ROBO2: variants seen among roughly 807,000 people sequenced by gnomAD.
ROBO2 encodes roundabout guidance receptor 2.
A neutral mutation model predicts 160.8 loss-of-function variants in ROBO2; 53 were observed. The observed-to-expected ratio is 0.33, with a 90% CI of 0.26 to 0.41. The LOEUF (loss-of-function observed/expected upper bound fraction) is 0.41, where lower values mean the gene tolerates loss of function less well. Ranked by LOEUF, ROBO2 falls within the 10% of genes least tolerant of loss-of-function variation. The probability of loss-of-function intolerance (pLI) is 1.00; values close to 1 mark genes in which losing one functional copy is unlikely to be tolerated. For missense variants in ROBO2, 1,577 were observed against 1,722.4 expected (o/e 0.92, Z 1.49); for synonymous variants, 664 against 611.7 (o/e 1.09, Z -1.26).
At chr3:77,407,905 T>A (rs1256086475) in intron 2 of ROBO2, among the ~76,000 whole-genome samples, 1 of 152,210 alleles carries the variant, frequency 6.6e-6, no homozygotes, top group African/African-American at 2.4e-5. Flanking sequence ...AATTGTAAGT[T>A]TACACTTGTT....
intron 1 of ROBO2, among the ~76,000 whole-genome samples, chr3:77,079,112 A>T (rs1297819799): frequency 6.6e-6 from 1 of 151,810 alleles, no homozygotes; most frequent in East Asian, 1.9e-4. Context: ...ATGCCTGGCT[A>T]GTTTTTGTAT....
Position 76,679,856 on chromosome 3 carries a change from G to C in ROBO2, c.110-418158G>C, listed in dbSNP as rs190270918. Among the ~76,000 whole-genome samples, 12 of 152,186 alleles carry C rather than the reference G, an allele frequency of 7.9e-5. No individual in the cohort carries two copies. The East Asian group carries it at 2.3e-3, about 29-fold the overall frequency. On this transcript the variant is annotated intron_variant, in intron 2 of 26. Transcript: ENST00000487694. The stretch of plus-strand genomic sequence containing the variant: ...AAAATCTCTGAATGTGTACTAATCT[G>C]GGGATAGTTATCTTTATTCCTTCTT...
intron 2 of ROBO2, among the ~76,000 whole-genome samples, chr3:77,197,473 A>G (rs1460229632): frequency 6.6e-6 from 1 of 152,226 alleles, no homozygotes; most frequent in South Asian, 2.1e-4. Context: ...CGTTCTTTAA[A>G]AAACAAGTTT....
intron 17 of ROBO2, among the ~76,000 whole-genome samples, chr3:77,594,728 T>A (rs1462486537): frequency 2.0e-5 from 3 of 152,214 alleles, no homozygotes; most frequent in Non-Finnish European, 4.4e-5. Context: ...GGAACTTTCC[T>A]GTTTCAATTT....
chr3:76,005,821 TGTA>T (rs1244946292), intron 2 of ROBO2, among the ~76,000 whole-genome samples: 2 of 152,230 alleles, frequency 1.3e-5, no homozygotes, highest in African/African-American at 4.8e-5. Flanking sequence ...CTTTTGAAAA[TGTA>T]GTCATTCAAA....
At chr3:76,093,952 A>C (rs911844853) in intron 2 of ROBO2, among the ~76,000 whole-genome samples, 2 of 152,174 alleles carry the variant, frequency 1.3e-5, no homozygotes, top group African/African-American at 2.4e-5. Context: ...TCTGGTTAAG[A>C]TATCAAGCAT....
intron 2 of ROBO2, among the ~76,000 whole-genome samples, chr3:76,484,506 G>T (rs1188983843): frequency 1.3e-5 from 2 of 152,088 alleles, no homozygotes; most frequent in Non-Finnish European, 2.9e-5. Flanking sequence ...TCAACAGAAT[G>T]CAGGAATTAA....
chr3:76,713,246 T>C (rs1479757505), intron 2 of ROBO2, among the ~76,000 whole-genome samples: 1 of 152,198 alleles, frequency 6.6e-6, no homozygotes, highest in Non-Finnish European at 1.5e-5. Flanking sequence ...CTTTATGCCA[T>C]TTTAAATTTG....
At chr3:75,957,408 T>C (rs1948761334) in intron 2 of ROBO2, among the ~76,000 whole-genome samples, 1 of 151,768 alleles carries the variant, frequency 6.6e-6, no homozygotes, top group African/African-American at 2.4e-5. Flanking sequence ...TTCTCTTAAT[T>C]TTTAATGTAA....
At chr3:77,536,421 C>T (rs1357540348) in intron 6 of ROBO2, among the ~76,000 whole-genome samples, 1 of 151,378 alleles carries the variant, frequency 6.6e-6, no homozygotes, top group Non-Finnish European at 1.5e-5. Flanking sequence ...TCCTTCTTTT[C>T]TTCTCCCTCT....
chr3:77,087,115 A>G (rs2069431543), intron 1 of ROBO2, among the ~76,000 whole-genome samples: 1 of 152,140 alleles, frequency 6.6e-6, no homozygotes, highest in Admixed American at 6.5e-5. Flanking sequence ...AATTTTCAGA[A>G]TATAGAAACA....
At chr3:76,144,006 A>G (rs2071791220) in intron 2 of ROBO2, among the ~76,000 whole-genome samples, 1 of 151,692 alleles carries the variant, frequency 6.6e-6, no homozygotes, top group Non-Finnish European at 1.5e-5. Context: ...GGTCCCCCCT[A>G]CACTGTGGAG....
At chr3:76,686,396 C>G (rs1372941100) in intron 2 of ROBO2, among the ~76,000 whole-genome samples, 1 of 151,988 alleles carries the variant, frequency 6.6e-6, no homozygotes, top group Non-Finnish European at 1.5e-5. Flanking sequence ...TAAAAAGAAT[C>G]CATAAAAGAG....
intron 2 of ROBO2, among the ~76,000 whole-genome samples, chr3:76,321,084 A>G (rs1212763800): frequency 6.6e-6 from 1 of 152,224 alleles, no homozygotes; most frequent in East Asian, 1.9e-4. Context: ...ACAAGAATGA[A>G]GATACATTTA....
At chr3:76,315,449 C>T (rs140439865) in intron 2 of ROBO2, among the ~76,000 whole-genome samples, 3,730 of 152,206 alleles carry the variant, frequency 0.025, 61 homozygotes, top group South Asian at 0.076. Context: ...GCACATACTA[C>T]GGTATTGCAA....
chr3:76,090,189 A>G (rs2069172908), intron 2 of ROBO2, among the ~76,000 whole-genome samples: 1 of 152,178 alleles, frequency 6.6e-6, no homozygotes. Context: ...GGCTGGGTGC[A>G]GTGGCTCATG....
At chr3:77,255,324 G>A (rs1055971516) in intron 2 of ROBO2, among the ~76,000 whole-genome samples, 5 of 152,334 alleles carry the variant, frequency 3.3e-5, no homozygotes, top group African/African-American at 9.6e-5. Context: ...TGTAAAGTGC[G>A]TGAAGTTTTA....
chr3:76,010,628 T>G (rs1162292121), intron 2 of ROBO2, among the ~76,000 whole-genome samples: 1 of 152,252 alleles, frequency 6.6e-6, no homozygotes, highest in African/African-American at 2.4e-5. Flanking sequence ...TGCTGGATGC[T>G]CACCTTGAAT....
intron 2 of ROBO2, among the ~76,000 whole-genome samples, chr3:76,329,870 G>T (rs2073350066): frequency 6.6e-6 from 1 of 152,168 alleles, no homozygotes; most frequent in African/African-American, 2.4e-5. Context: ...CGGGAGCAGT[G>T]ATGCATTTCT....
Sources: allele counts gnomAD v4.1 joint callset (sites outside exome capture counted in the v4.1 genomes callset), GRCh38; gene constraint gnomAD v4.1.1; transcripts MANE v1.5; gene names NCBI Gene and HGNC (gene_info 2026-07-23, HGNC 2026-07-21).